The following LRCH2 variants were observed in gnomAD, a reference collection of about 807,000 sequenced individuals.
LRCH2 encodes leucine rich repeats and calponin homology domain containing 2.
A neutral mutation model predicts 68.9 loss-of-function variants in LRCH2; 38 were observed. The observed-to-expected ratio is 0.55, with a 90% confidence interval of 0.43 to 0.72. The LOEUF is 0.72. Ranked by LOEUF, LRCH2 falls within the 30% of genes least tolerant of loss-of-function variation. LRCH2 has a pLI of 0.00. For synonymous variants in LRCH2, 191 were observed against 208.1 expected, an observed-to-expected ratio of 0.92 and a Z score of 0.71; for missense variants, 528 against 572.9, an observed-to-expected ratio of 0.92 and a Z score of 0.80.
chrX:115,130,861 A>G (rs1238764887), intron 14 of LRCH2, among the ~76,000 whole-genome samples: 3 of 111,027 alleles, frequency 2.7e-5, no homozygotes, highest in Admixed American at 9.7e-5. Context: ...ATGTGAAAAA[A>G]TGCTTCTTAG....
chrX:115,122,223 A>C (rs2147345134), intron 20 of LRCH2, among the ~76,000 whole-genome samples: 1 of 110,122 alleles, frequency 9.1e-6, no homozygotes, highest in African/African-American at 3.3e-5. Flanking sequence ...AAAAAAAAGA[A>C]GGAAAAAAAG....
intron 5 of LRCH2, among the ~76,000 whole-genome samples, chrX:115,172,604 G>A (rs1428457476): frequency 9.0e-6 from 1 of 111,028 alleles, no homozygotes; most frequent in Non-Finnish European, 1.9e-5. Context: ...TCTCCTGTAA[G>A]TTTTTGTTTT....
intron 1 of LRCH2, among the ~76,000 whole-genome samples, chrX:115,204,486 A>AT (rs1228713750): frequency 9.0e-6 from 1 of 111,380 alleles, no homozygotes; most frequent in Non-Finnish European, 1.9e-5. Flanking sequence ...CTTTTTAAAC[A>AT]TAAGTTCCAA....
chrX:115,205,420 A>G (rs2072958823), intron 1 of LRCH2, among the ~76,000 whole-genome samples: 1 of 112,213 alleles, frequency 8.9e-6, no homozygotes, highest in South Asian at 3.7e-4. Flanking sequence ...ATACAACACA[A>G]AGACTGAATC....
intron 1 of LRCH2, among the ~76,000 whole-genome samples, chrX:115,219,356 G>A (rs1236652111): frequency 9.0e-6 from 1 of 111,206 alleles, no homozygotes; most frequent in Non-Finnish European, 1.9e-5. Context: ...ACTGAATCCT[G>A]AAATTAAAAG....
intron 12 of LRCH2, among the ~76,000 whole-genome samples, chrX:115,150,997 C>T (rs782415373): frequency 9.0e-6 from 1 of 111,345 alleles, no homozygotes; most frequent in Non-Finnish European, 1.9e-5. Flanking sequence ...TAGTAAGAGA[C>T]TTGAATAACC....
intron 14 of LRCH2, 21 bp downstream of exon 14, chrX:115,149,806 T>A (rs2072417546): frequency 4.9e-6 from 5 of 1,023,879 alleles, no homozygotes; most frequent in Non-Finnish European, 6.6e-6. Flanking sequence ...AAAGTAAATT[T>A]AAAAACTTAA....
intron 1 of LRCH2, among the ~76,000 whole-genome samples, chrX:115,213,091 G>A (rs918652120): frequency 5.4e-5 from 6 of 110,949 alleles, no homozygotes; most frequent in Admixed American, 9.5e-5. Flanking sequence ...GAGCCACTGC[G>A]TCCAGTCTGC....
intron 3 of LRCH2, among the ~76,000 whole-genome samples, chrX:115,181,896 C>T (rs969412893): frequency 2.7e-5 from 3 of 110,861 alleles, no homozygotes; most frequent in African/African-American, 9.8e-5. Context: ...CAAAAATATT[C>T]AGGAAAAAAA....
intron 1 of LRCH2, chrX:115,189,427 A>G: frequency 3.5e-6 from 4 of 1,158,790 alleles, no homozygotes; most frequent in Non-Finnish European, 4.6e-6. Context: ...CTGACCCACC[A>G]TTCGGCAGGG....
chrX:115,193,498 C>T (rs1378833310), intron 1 of LRCH2, among the ~76,000 whole-genome samples: 1 of 111,700 alleles, frequency 9.0e-6, no homozygotes, highest in East Asian at 2.8e-4. Context: ...TCATTCCTCT[C>T]CTAAATTATT....
intron 1 of LRCH2, among the ~76,000 whole-genome samples, chrX:115,217,190 T>G (rs2073047023): frequency 9.0e-6 from 1 of 111,516 alleles, no homozygotes. Flanking sequence ...CTATGTAATA[T>G]ATCCATGTAA....
At chrX:115,226,061 C>T (rs1353526781) in intron 1 of LRCH2, among the ~76,000 whole-genome samples, 1 of 111,246 alleles carries the variant, frequency 9.0e-6, no homozygotes, top group East Asian at 2.8e-4. Flanking sequence ...CAAGTATATA[C>T]ACAAGAGAAA....
chrX:115,171,037 A>G (rs2072601068), intron 5 of LRCH2, among the ~76,000 whole-genome samples: 1 of 111,964 alleles, frequency 8.9e-6, no homozygotes, highest in African/African-American at 3.2e-5. Flanking sequence ...GGAATAAAAT[A>G]CTATGTGAGC....
At chrX:115,195,189 C>G (rs1556562758) in intron 1 of LRCH2, among the ~76,000 whole-genome samples, 1 of 108,854 alleles carries the variant, frequency 9.2e-6, no homozygotes, top group Admixed American at 1.0e-4. Context: ...GAGGCCAAGG[C>G]AGGAGAATTG....
Position 115,149,833 on chromosome X carries a change from A to G in LRCH2, c.1689T>C (p.Tyr563=). 1 of 1,152,849 alleles carries G rather than the reference A, an allele frequency of 8.7e-7. No individual in the cohort carries two copies. Among genetic ancestry groups the G allele is most frequent in the Non-Finnish European group, 1.2e-6 (1 of 850,368 alleles). The stretch of plus-strand genomic sequence containing the variant: ...AAAACTTAATATAGAGTACCTTGAA[A>G]TATTCTTTTCTAATCTGTTTGCTCC... ...RRRSKQIRKE[Y]FKYKSMRKSS... is the part of the protein sequence containing the mutation. Residue 563 remains tyrosine, a synonymous_variant, in exon 14 of 21, where the codon TAT becomes TAC. Transcript: ENST00000317135.
Position 115,189,594 on chromosome X carries a change from C to T in LRCH2, c.350-1224G>A, listed in dbSNP as rs1489659409. 9.4e-6 allele frequency: 11 copies of T among 1,169,399 alleles called. No homozygotes were observed. In the African/African-American group the frequency reaches 1.2e-4, roughly 13 times the overall value. On this transcript the variant is annotated intron_variant, in intron 1 of 20. Coordinates refer to ENST00000317135, the MANE Select transcript of LRCH2 (RefSeq NM_020871.4). ...GAAAAACCAACAAGTCGAGGGGCTT[C>T]GCGTTCGTCACCTTCGAAAGCCCTG...
intron 17 of LRCH2, 35 bp from the exon 18 acceptor site, chrX:115,123,227 G>A (rs1384571557): frequency 1.8e-6 from 2 of 1,083,487 alleles, no homozygotes; most frequent in African/African-American, 3.7e-5. Flanking sequence ...TTGTTACAAA[G>A]TTAATGGGAA....
chrX:115,155,662 C>T (rs1240930828), intron 12 of LRCH2, among the ~76,000 whole-genome samples: 1 of 111,537 alleles, frequency 9.0e-6, no homozygotes, highest in African/African-American at 3.3e-5. Context: ...TGCTAATCAC[C>T]GTCATAAGCA....
Sources: allele counts gnomAD v4.1 joint callset (sites outside exome capture counted in the v4.1 genomes callset), GRCh38; gene constraint gnomAD v4.1.1; transcripts MANE v1.5; gene names NCBI Gene and HGNC (gene_info 2026-07-23, HGNC 2026-07-21).